EXT1: variants seen among roughly 807,000 people sequenced by gnomAD.
EXT1 encodes the protein exostosin glycosyltransferase 1.
EXT1 carries 20 observed loss-of-function variants against 82.5 expected under a neutral mutation model. The ratio of observed to expected loss-of-function variants is 0.24; its 90% CI spans 0.17 to 0.35. The LOEUF is 0.35. Among genes scored for constraint, EXT1 ranks in the 10% least tolerant of loss-of-function variants. The pLI is 1.00. For synonymous variants in EXT1, 348 were observed against 350.8 expected (o/e 0.99, Z 0.09); for missense variants, 757 against 936.5 (o/e 0.81, Z 2.50).
Position 117,822,589 on chromosome 8 carries a change from C to T in EXT1, c.1293G>A (p.Gln431=), listed in dbSNP as rs773449892. 8.7e-6 allele frequency: 14 copies of T among 1,612,570 alleles called. No homozygotes were observed. The highest frequency in any genetic ancestry group is 1.2e-5 in the Non-Finnish European group (14 of 1,179,634). ...KIVLTTLEII[Q]DRIFKHISRN... is the part of the protein sequence containing the mutation. ...GTGATATGTGCTTGAATATTCTGTC[C>T]TGAATAATCTAGAAAATAAAACATA... The change falls in exon 5 of 11, where the codon CAG becomes CAA. Residue 431 remains glutamine (Q), a synonymous_variant. Transcript: ENST00000378204.
chr8:117,983,460 G>A (rs1355692714), intron 1 of EXT1, among the ~76,000 whole-genome samples: 1 of 152,048 alleles, frequency 6.6e-6, no homozygotes, highest in Non-Finnish European at 1.5e-5. Context: ...CTCCAGCCTG[G>A]GAGACAGACA....
At chr8:117,859,812 G>A (rs1312346150) in intron 1 of EXT1, among the ~76,000 whole-genome samples, 1 of 152,160 alleles carries the variant, frequency 6.6e-6, no homozygotes, top group African/African-American at 2.4e-5. Context: ...TGGTATGTAT[G>A]TATATACCAT....
chr8:117,997,899 C>T (rs935729682), intron 1 of EXT1, among the ~76,000 whole-genome samples: 1 of 152,172 alleles, frequency 6.6e-6, no homozygotes, highest in Non-Finnish European at 1.5e-5. Flanking sequence ...GCAGCCTTTC[C>T]TTCCCTGTAA....
chr8:117,896,717 T>C (rs1813345003), intron 1 of EXT1, among the ~76,000 whole-genome samples: 1 of 152,118 alleles, frequency 6.6e-6, no homozygotes, highest in Admixed American at 6.5e-5. Context: ...AAACAAGGCT[T>C]TAGGGATTTG....
chr8:117,814,219 G>A (rs149765302), intron 7 of EXT1, among the ~76,000 whole-genome samples: 14 of 141,240 alleles, frequency 9.9e-5, no homozygotes, highest in Non-Finnish European at 1.9e-4. Context: ...GGTGGACTAC[G>A]TGTGCACACA....
At chr8:118,075,618 G>C (rs2514718) in intron 1 of EXT1, among the ~76,000 whole-genome samples, 1 of 151,980 alleles carries the variant, frequency 6.6e-6, no homozygotes, top group South Asian at 2.1e-4. Flanking sequence ...GCGTTGCTAT[G>C]AAGAAATACT....
intron 7 of EXT1, among the ~76,000 whole-genome samples, chr8:117,815,418 A>G (rs1811793518): frequency 6.6e-6 from 1 of 152,162 alleles, no homozygotes; most frequent in African/African-American, 2.4e-5. Flanking sequence ...AACCTGTTTC[A>G]TCAACAGAAG....
At chr8:117,980,928 G>A (rs995593593) in intron 1 of EXT1, among the ~76,000 whole-genome samples, 1 of 152,066 alleles carries the variant, frequency 6.6e-6, no homozygotes, top group African/African-American at 2.4e-5. Context: ...AGTGGTGGCG[G>A]AGGAAGCCGT....
At position 117,889,210 on chromosome 8, in the gene EXT1, A is replaced by G. The variant is rs138700899; in HGVS notation, c.963-52009T>C. Among the ~76,000 whole-genome samples the G allele has an allele frequency of 7.8e-3, 1,182 of 152,298 alleles. 11 individuals are homozygous for G. Among genetic ancestry groups the G allele is most frequent in the African/African-American group, 0.025 (1,043 of 41,546 alleles). On this transcript the variant is annotated intron_variant, in intron 1 of 10. Coordinates refer to ENST00000378204, the MANE Select transcript of EXT1 (RefSeq NM_000127.3). ...GAGCCTGGGTCCCTGATGATCACGG[A>G]GCCTCGTTACCAGGCCTGAGCTACC...
intron 1 of EXT1, among the ~76,000 whole-genome samples, chr8:117,858,056 A>G (rs984850844): frequency 2.0e-5 from 3 of 152,250 alleles, no homozygotes; most frequent in Non-Finnish European, 4.4e-5. Flanking sequence ...GCAATCTTAT[A>G]AAACTTGAAT....
chr8:118,009,170 C>T (rs1258440134), intron 1 of EXT1, among the ~76,000 whole-genome samples: 1 of 152,138 alleles, frequency 6.6e-6, no homozygotes, highest in Non-Finnish European at 1.5e-5. Context: ...TCTGTGAGTC[C>T]TATCTGGTGA....
intron 1 of EXT1, among the ~76,000 whole-genome samples, chr8:117,933,429 A>G (rs1814099898): frequency 6.6e-6 from 1 of 152,100 alleles, no homozygotes; most frequent in Non-Finnish European, 1.5e-5. Flanking sequence ...TATTTTTAGT[A>G]GAAACGGGGT....
intron 1 of EXT1, among the ~76,000 whole-genome samples, chr8:117,912,492 G>A (rs1813666504): frequency 6.6e-6 from 1 of 152,086 alleles, no homozygotes. Flanking sequence ...TAATTTCAGT[G>A]GTCTTCTTTG....
intron 8 of EXT1, among the ~76,000 whole-genome samples, chr8:117,809,220 T>TAA (rs1563874241): frequency 2.6e-5 from 2 of 77,562 alleles, no homozygotes; most frequent in Non-Finnish European, 2.6e-5. Context: ...TGTGTATAAA[T>TAA]ATATATATAT....
At chr8:117,880,577 T>C (rs1017554652) in intron 1 of EXT1, among the ~76,000 whole-genome samples, 1 of 149,722 alleles carries the variant, frequency 6.7e-6, no homozygotes, top group African/African-American at 2.5e-5. Flanking sequence ...TATATTGCTA[T>C]GTTTTGCCTC....
chr8:118,003,935 C>A (rs984790021), intron 1 of EXT1, among the ~76,000 whole-genome samples: 6 of 152,300 alleles, frequency 3.9e-5, no homozygotes, highest in African/African-American at 1.4e-4. Flanking sequence ...CATATTACCA[C>A]ATTCTAATAT....
intron 1 of EXT1, among the ~76,000 whole-genome samples, chr8:118,080,939 A>G (rs1817309921): frequency 6.6e-6 from 1 of 152,194 alleles, no homozygotes; most frequent in Non-Finnish European, 1.5e-5. Context: ...GCAGGCAGAT[A>G]AGACCATTAA....
intron 1 of EXT1, among the ~76,000 whole-genome samples, chr8:118,036,746 AT>A (rs1370014793): frequency 1.3e-5 from 2 of 152,086 alleles, no homozygotes; most frequent in Non-Finnish European, 2.9e-5. Context: ...GAGGCCCTTC[AT>A]TGTGTGTCTC....
chr8:117,872,072 A>G (rs1361122887), intron 1 of EXT1, among the ~76,000 whole-genome samples: 1 of 149,362 alleles, frequency 6.7e-6, no homozygotes, highest in African/African-American at 2.4e-5. Context: ...CTCAGTAGAT[A>G]GAGGCTGCAG....
Sources: gnomAD v4.1 joint callset for allele counts (sites outside exome capture counted in the v4.1 genomes callset) on GRCh38, gnomAD v4.1.1 for gene constraint, MANE v1.5 for transcripts, NCBI Gene and HGNC (gene_info 2026-07-23, HGNC 2026-07-21) for gene names.